The following DOCK11 variants were observed in gnomAD, a reference collection of about 807,000 sequenced individuals.
DOCK11 encodes dedicator of cytokinesis 11, also known as dedicator of cytokinesis protein 11.
Under a neutral mutation model 169.1 loss-of-function variants are expected in DOCK11, and 70 were observed. The observed-to-expected ratio is 0.41, with a 90% confidence interval of 0.34 to 0.51. The LOEUF is 0.51. DOCK11 is among the 20% of genes least tolerant of loss of function. DOCK11 has a pLI of 0.10. For missense variants in DOCK11, 1,166 were observed against 1,538.8 expected (o/e 0.76, Z 4.05); for synonymous variants, 529 against 541.3 (o/e 0.98, Z 0.32).
intron 32 of DOCK11, 150 bp downstream of exon 32, chrX:118,624,805 C>G (rs2015060900): frequency 2.5e-6 from 1 of 394,922 alleles, no homozygotes; most frequent in Admixed American, 4.8e-5. Context: ...ATCACCCAGG[C>G]TGGAGTGTAG....
In DOCK11 at chrX:118,618,545, T is replaced by C; in HGVS notation, c.3293-5T>C. The C allele has an allele frequency of 8.4e-7, 1 of 1,186,137 alleles. No homozygotes were observed. Among genetic ancestry groups the C allele is most frequent in the Non-Finnish European group, 1.1e-6 (1 of 882,659 alleles). On this transcript the variant is annotated splice_region_variant and splice_polypyrimidine_tract_variant and intron_variant, in intron 30 of 52. Transcript: ENST00000276202. ...AAATGGGTTTTAAATTTCATTGTAC[T>C]GCAGATTCAAATCTTGAATACAGTT...
At chrX:118,543,380 A>G in intron 3 of DOCK11, 131 bp from the exon 4 acceptor site, 1 of 488,081 alleles carries the variant, frequency 2.0e-6, no homozygotes, top group Non-Finnish European at 3.4e-6. Context: ...TTAACCCATA[A>G]AGGAAGATCC....
chrX:118,672,679 C>T (rs1003863911), intron 46 of DOCK11, among the ~76,000 whole-genome samples: 4 of 113,048 alleles, frequency 3.5e-5, no homozygotes, highest in African/African-American at 1.3e-4. Flanking sequence ...TTGTGATGCG[C>T]CCGCCTTGGC....
chrX:118,638,718 G>C (rs1393009364), intron 37 of DOCK11, among the ~76,000 whole-genome samples: 1 of 111,388 alleles, frequency 9.0e-6, no homozygotes, highest in Non-Finnish European at 1.9e-5. Flanking sequence ...GTGTGGATGG[G>C]GATTACTGTT....
chrX:118,604,855 C>T (rs2014453016), intron 23 of DOCK11, among the ~76,000 whole-genome samples: 1 of 111,045 alleles, frequency 9.0e-6, no homozygotes, highest in South Asian at 3.8e-4. Flanking sequence ...CCCACATTCC[C>T]CTGCAGAACA....
At chrX:118,588,571 C>T in intron 18 of DOCK11, 93 bp downstream of exon 18, 3 of 663,792 alleles carry the variant, frequency 4.5e-6, no homozygotes, top group South Asian at 8.6e-5. Flanking sequence ...TTTGTATCAA[C>T]ATCAAAAAGA....
At chrX:118,673,347 C>G (rs1418059558) in intron 46 of DOCK11, among the ~76,000 whole-genome samples, 1 of 111,438 alleles carries the variant, frequency 9.0e-6, no homozygotes, top group African/African-American at 3.3e-5. Flanking sequence ...GTATACACGC[C>G]TGTGATTCCG....
chrX:118,665,908 C>T (rs2016329016), intron 45 of DOCK11, among the ~76,000 whole-genome samples: 1 of 111,724 alleles, frequency 9.0e-6, no homozygotes, highest in Non-Finnish European at 1.9e-5. Flanking sequence ...TGCATGACAC[C>T]ACCTCAGGAG....
intron 45 of DOCK11, among the ~76,000 whole-genome samples, chrX:118,668,772 A>G (rs2016398299): frequency 9.0e-6 from 1 of 111,250 alleles, no homozygotes; most frequent in African/African-American, 3.3e-5. Flanking sequence ...CCTACCCTAT[A>G]TTGATAAGGA....
chrX:118,562,120 G>A (rs930249024), intron 7 of DOCK11, among the ~76,000 whole-genome samples: 3 of 106,208 alleles, frequency 2.8e-5, no homozygotes, highest in Non-Finnish European at 5.8e-5. Context: ...GAGCCAAGAC[G>A]GTGCCACTAC....
At chrX:118,683,673 T>G (rs938929015) in intron 52 of DOCK11, among the ~76,000 whole-genome samples, 3 of 112,435 alleles carry the variant, frequency 2.7e-5, no homozygotes, top group African/African-American at 9.7e-5. Flanking sequence ...CTGCATGACC[T>G]AGTGTTGAAC....
In DOCK11 at chrX:118,580,139, C is replaced by T. The variant is rs755708340; in HGVS notation, c.1555C>T (p.Arg519Cys). The T allele has an allele frequency of 3.3e-6, 4 of 1,209,381 alleles. No individual in the cohort carries two copies. Among genetic ancestry groups the T allele is most frequent in the South Asian group, 1.8e-5 (1 of 56,578 alleles). The change falls in exon 14 of 53, where the codon CGC becomes TGC. Residue 519 changes from arginine (R) to cysteine (C), a missense_variant. Physicochemically the swap from Arg to Cys is radical, Grantham distance 180. Coordinates refer to ENST00000276202, the MANE Select transcript of DOCK11 (RefSeq NM_144658.4). Reference protein sequence around the residue: ...VHRTAKQVCSRLGQYRMPFAW... With the variant: ...VHRTAKQVCSCLGQYRMPFAW... ...CAGGACAGCTAAACAAGTGTGTAGCCGCCTTGGACAATACAGAATGCCCTT... is the reference window on the plus strand; with the variant it reads ...CAGGACAGCTAAACAAGTGTGTAGCTGCCTTGGACAATACAGAATGCCCTT...
At chrX:118,547,852 C>T (rs1192524807) in intron 6 of DOCK11, among the ~76,000 whole-genome samples, 3 of 112,125 alleles carry the variant, frequency 2.7e-5, no homozygotes, top group Admixed American at 9.5e-5. Context: ...ATGGTTGTAT[C>T]GTTTTTGACT....
At chrX:118,656,283 A>AAATAAATG (rs2016067271) in intron 44 of DOCK11, among the ~76,000 whole-genome samples, 1 of 110,752 alleles carries the variant, frequency 9.0e-6, no homozygotes, top group Non-Finnish European at 1.9e-5. Context: ...ATAAATAAAT[A>AAATAAATG]AATAAATAAA....
intron 48 of DOCK11, 97 bp downstream of exon 48, chrX:118,676,834 GAAAA>G (rs2016622566): frequency 3.7e-6 from 3 of 802,809 alleles, no homozygotes; most frequent in Non-Finnish European, 5.1e-6. Context: ...AGAGAAGCAT[GAAAA>G]CAGAGCTTTC....
At chrX:118,596,878 C>CTACT (rs1181783171) in intron 20 of DOCK11, among the ~76,000 whole-genome samples, 1 of 111,869 alleles carries the variant, frequency 8.9e-6, no homozygotes, top group Non-Finnish European at 1.9e-5. Context: ...TGATTTATGC[C>CTACT]TACTGCCTTG....
intron 46 of DOCK11, among the ~76,000 whole-genome samples, chrX:118,675,397 A>G (rs1317644651): frequency 8.9e-6 from 1 of 112,286 alleles, no homozygotes; most frequent in Non-Finnish European, 1.9e-5. Context: ...GTAGTTGATA[A>G]TACAGTATTT....
rs780937743 is a variant in DOCK11, at chrX:118,543,285, G to C, written c.310-226G>C. Among the ~76,000 whole-genome samples, 32 of 111,381 alleles carry C rather than the reference G, an allele frequency of 2.9e-4. No individual in the cohort carries two copies. The South Asian group carries it at 6.4e-3, about 22-fold the overall frequency. ...ACCTTAGTGTTTTCCTTTTGGATTT[G>C]AATACTCTTTGCACTGAGAGTCAGA... is the stretch of plus-strand genomic sequence containing the variant. On this transcript the variant is annotated intron_variant, in intron 3 of 52. Transcript: ENST00000276202.
At chrX:118,657,892 C>T (rs931821316) in intron 44 of DOCK11, among the ~76,000 whole-genome samples, 1 of 109,796 alleles carries the variant, frequency 9.1e-6, no homozygotes, top group African/African-American at 3.4e-5. Flanking sequence ...GTGACAGGTA[C>T]ACCAAAATCT....
Sources: gnomAD v4.1 joint callset for allele counts (sites outside exome capture counted in the v4.1 genomes callset) on GRCh38, gnomAD v4.1.1 for gene constraint, MANE v1.5 for transcripts, NCBI Gene and HGNC (gene_info 2026-07-23, HGNC 2026-07-21) for gene names.